The following DISP3 variants were observed in gnomAD, a reference collection of about 807,000 sequenced individuals.
The protein encoded by DISP3 is dispatched RND transporter family member 3, also known as protein dispatched homolog 3.
DISP3 carries 101 observed loss-of-function variants against 135.3 expected under a neutral mutation model. The ratio of observed to expected loss-of-function variants is 0.75; its 90% confidence interval spans 0.64 to 0.88. The LOEUF (loss-of-function observed/expected upper bound fraction) is 0.88. Among genes scored for constraint, DISP3 ranks in the 40% least tolerant of loss-of-function variants. DISP3 has a pLI of 0.00. For synonymous variants in DISP3, 856 were observed against 817.0 expected, an observed-to-expected ratio of 1.05 and a Z score of -0.81; for missense variants, 1,713 against 1,878.6, an observed-to-expected ratio of 0.91 and a Z score of 1.63.
intron 1 of DISP3, among the ~76,000 whole-genome samples, chr1:11,494,724 G>C (rs1341090242): frequency 6.6e-6 from 1 of 152,210 alleles, no homozygotes; most frequent in African/African-American, 2.4e-5. Context: ...AACATCCTGA[G>C]CCAGGAAGAA....
chr1:11,497,369 C>T (rs1414918569), intron 1 of DISP3, among the ~76,000 whole-genome samples: 5 of 151,732 alleles, frequency 3.3e-5, no homozygotes, highest in African/African-American at 4.8e-5. Context: ...CCCTTCCCCC[C>T]AAGTCCCCAA....
Position 11,483,192 on chromosome 1 carries a change from G to T in DISP3, c.-4+3820G>T, listed in dbSNP as rs559510745. 2.0e-5 allele frequency among the ~76,000 whole-genome samples: 3 copies of T among 152,222 alleles called. No individual in the cohort carries two copies. The highest frequency in any genetic ancestry group is 4.4e-5 in the Non-Finnish European group (3 of 68,046). On this transcript the variant is annotated intron_variant, in intron 1 of 20. Transcript: ENST00000294484. The surrounding 1 kb of genome is among the most constrained non-coding windows in gnomAD (Gnocchi z 5.4). ...CACTCCACTCTGCACCAGCTGGAAG[G>T]TACACGGGCGGGAGGATTGAGAGGA...
intron 1 of DISP3, among the ~76,000 whole-genome samples, chr1:11,492,314 G>A (rs1249153405): frequency 6.6e-6 from 1 of 152,122 alleles, no homozygotes; most frequent in Non-Finnish European, 1.5e-5. Flanking sequence ...GCCCATGAAC[G>A]TTGGATCCCT....
chr1:11,526,955 T>C lies in DISP3; in HGVS notation c.2798+120T>C, dbSNP rs1642438691. The C allele has an allele frequency of 4.0e-6, 5 of 1,264,400 alleles. 1 individual carries two copies. Among genetic ancestry groups the C allele is most frequent in the Admixed American group, 5.7e-5 (2 of 35,214 alleles). The allele number at this position is 1,264,400 out of a possible 1,614,324, so 78.3% of individuals were successfully genotyped here. A position where few individuals can be genotyped will look rare whatever the true frequency, so the allele number is the denominator to read the frequency against. ...AGCAGGCCCCCTCACTTTTTTTTTT[T>C]TTTCTTACTCTGTTGCCCAGGCTGG... On this transcript the variant is annotated intron_variant, in intron 13 of 20. Transcript: ENST00000294484.
In DISP3 at chr1:11,530,283, C is replaced by T. The variant is rs1456868659; in HGVS notation, c.3102+324C>T. On this transcript the variant is annotated intron_variant, in intron 15 of 20. Coordinates refer to ENST00000294484, the MANE Select transcript of DISP3 (RefSeq NM_020780.2). ...CCCTCCCCCTTCCTCTGAGCTCGGC[C>T]GTGGCTTTCTCTCTGAGGCCTCCCT... Among the ~76,000 whole-genome samples, 4 of 152,214 alleles carry T rather than the reference C, an allele frequency of 2.6e-5. No individual in the cohort carries two copies. In the East Asian group the frequency reaches 5.8e-4, roughly 22 times the overall value.
chr1:11,501,245 C>T lies in DISP3; in HGVS notation c.253C>T (p.Pro85Ser). Residue 85 changes from proline (P) to serine (S), a missense_variant, in exon 2 of 21, where the codon CCC (proline) becomes TCC (serine). Around this residue, in one of 2 missense-constraint regions of DISP3, gnomAD observed 571 missense variants for 494.1 expected, o/e 1.16. Transcript: ENST00000294484. This position sits in a 1 kb window ranked among gnomAD's most constrained non-coding sequence, Gnocchi z 4.9. Reference protein sequence around the residue: ...GLVLFLGCSIPMALSAFMFLY... With the variant: ...GLVLFLGCSISMALSAFMFLY... ...GGTGCTCTTCCTGGGCTGCAGCATC[C>T]CCATGGCCCTGTCAGCCTTCATGTT... 6.2e-7 allele frequency: 1 copy of T among 1,614,188 alleles called. No individual in the cohort carries two copies. Among genetic ancestry groups the T allele is most frequent in the Non-Finnish European group, 8.5e-7 (1 of 1,180,026 alleles).
chr1:11,486,183 T>A (rs138338192), intron 1 of DISP3, among the ~76,000 whole-genome samples: 1 of 152,344 alleles, frequency 6.6e-6, no homozygotes, highest in Non-Finnish European at 1.5e-5. Flanking sequence ...TCCTTCCATG[T>A]AGACACAGCT....
At chr1:11,490,280 T>G (rs1434297968) in intron 1 of DISP3, among the ~76,000 whole-genome samples, 2 of 152,136 alleles carry the variant, frequency 1.3e-5, no homozygotes, top group East Asian at 3.9e-4. Flanking sequence ...TTTGTTTTTG[T>G]TTTTGGGATG....
At chr1:11,498,621 G>A (rs907340255) in intron 1 of DISP3, among the ~76,000 whole-genome samples, 3 of 152,176 alleles carry the variant, frequency 2.0e-5, no homozygotes, top group East Asian at 1.9e-4. Context: ...AGATAAGCAT[G>A]TGAGATGGCA....
chr1:11,525,698 G>A (rs546584315), intron 12 of DISP3, among the ~76,000 whole-genome samples: 1 of 152,370 alleles, frequency 6.6e-6, no homozygotes, highest in East Asian at 1.9e-4. Flanking sequence ...CTCAGGCAGT[G>A]GCGGCCAGGA....
intron 19 of DISP3, 139 bp from the exon 20 acceptor site, chr1:11,535,339 T>C: frequency 8.1e-7 from 1 of 1,236,328 alleles, no homozygotes; most frequent in Non-Finnish European, 1.1e-6. Flanking sequence ...ACTGCACCTG[T>C]CCCCTCCCTC....
chr1:11,535,866 A>G (rs1642695045), intron 20 of DISP3, among the ~76,000 whole-genome samples: 1 of 152,128 alleles, frequency 6.6e-6, no homozygotes, highest in African/African-American at 2.4e-5. Flanking sequence ...GTGAACAATG[A>G]GAGGGTTGGA....
chr1:11,492,626 C>T (rs1402314978), intron 1 of DISP3, among the ~76,000 whole-genome samples: 1 of 152,156 alleles, frequency 6.6e-6, no homozygotes, highest in East Asian at 1.9e-4. Context: ...CATTTGTACC[C>T]CCTCTGAATT....
Position 11,531,423 on chromosome 1 carries a change from T to G in DISP3, c.3230-142T>G. On this transcript the variant is annotated intron_variant, in intron 16 of 20. Transcript: ENST00000294484. The surrounding 1 kb of genome is among the most constrained non-coding windows in gnomAD (Gnocchi z 5.2). ...GTTCCACCCCGATGGCAAATGCATG[T>G]TGTAGGTTTCCCAATGCCGTTGCCA... is the stretch of plus-strand genomic sequence containing the variant. The G allele has an allele frequency of 8.3e-7, 1 of 1,207,718 alleles. No individual in the cohort carries two copies. Among genetic ancestry groups the G allele is most frequent in the Non-Finnish European group, 1.2e-6 (1 of 851,464 alleles). 74.8% of individuals were successfully genotyped at this position (1,207,718 alleles called of 1,614,324 possible).
intron 1 of DISP3, among the ~76,000 whole-genome samples, chr1:11,492,121 CAAAAAAA>C (rs59755389): frequency 1.1e-4 from 7 of 62,182 alleles, no homozygotes; most frequent in Non-Finnish European, 2.2e-4. Flanking sequence ...GACTCCGTCT[CAAAAAAA>C]AAAAAAAAAA....
chr1:11,485,117 G>C (rs933892464), intron 1 of DISP3, among the ~76,000 whole-genome samples: 2 of 152,070 alleles, frequency 1.3e-5, no homozygotes, highest in Non-Finnish European at 2.9e-5. Flanking sequence ...CCACCCCCCA[G>C]GACCTCTAGC....
rs1642138336 is a variant in DISP3 at position 11,520,042 on chromosome 1, G to C, written c.2200+162G>C. Among the ~76,000 whole-genome samples the C allele has an allele frequency of 6.6e-6, 1 of 152,186 alleles. No homozygotes were observed. The highest frequency in any genetic ancestry group is 1.5e-5 in the Non-Finnish European group (1 of 68,038). On this transcript the variant is annotated intron_variant, in intron 9 of 20. Coordinates refer to ENST00000294484, the MANE Select transcript of DISP3 (RefSeq NM_020780.2). The surrounding 1 kb of genome is among the most constrained non-coding windows in gnomAD (Gnocchi z 4.8). ...CTCTTTCCTGTGCAGAATGAAGCCG[G>C]TCATGGCGGCTGTTACTCATTGGCC...
chr1:11,535,038 T>C lies in DISP3; in HGVS notation c.3563T>C (p.Val1188Ala). 1 of 1,599,912 alleles carries C rather than the reference T, an allele frequency of 6.3e-7. No individual in the cohort carries two copies. The highest frequency in any genetic ancestry group is 8.5e-7 in the Non-Finnish European group (1 of 1,175,320). ...GTGCAGAGCGCCCTGTGCGGCCTGG[T>C]GCTATCCCTGCTCATCTGCGTGGCC... Reference protein sequence around the residue: ...VGVQSALCGLVLSLLICVAAV... With the variant: ...VGVQSALCGLALSLLICVAAV... The change falls in exon 19 of 21, where the codon GTG becomes GCG. Residue 1188 changes from valine (V) to alanine (A), a missense_variant. Val to Ala is a moderately conservative substitution (Grantham distance 64). Transcript: ENST00000294484.
intron 1 of DISP3, among the ~76,000 whole-genome samples, chr1:11,497,145 G>A (rs1641356758): frequency 6.6e-6 from 1 of 152,186 alleles, no homozygotes; most frequent in Non-Finnish European, 1.5e-5. Context: ...CTATGCTTAT[G>A]TGGCTTGGGA....
Sources: allele counts gnomAD v4.1 joint callset (sites outside exome capture counted in the v4.1 genomes callset), GRCh38; gene constraint gnomAD v4.1.1; regional missense constraint gnomAD v4.1.1; non-coding constraint Gnocchi (gnomAD v3.1); transcripts MANE v1.5; gene names NCBI Gene and HGNC (gene_info 2026-07-23, HGNC 2026-07-21).